The following GRIK1 variants were observed in gnomAD, a reference collection of about 807,000 sequenced individuals.
The protein encoded by GRIK1 is glutamate ionotropic receptor kainate type subunit 1.
Under a neutral mutation model 105.7 loss-of-function variants are expected in GRIK1, and 69 were observed. The observed-to-expected ratio is 0.65, with a 90% CI of 0.54 to 0.80. The LOEUF (loss-of-function observed/expected upper bound fraction) is 0.80, where lower values mean the gene tolerates loss of function less well. Among genes scored for constraint, GRIK1 ranks in the 30% least tolerant of loss-of-function variants. GRIK1 has a pLI of 0.00. For synonymous variants in GRIK1, 438 were observed against 431.3 expected (o/e 1.02, Z -0.19); for missense variants, 1,109 against 1,167.3 (o/e 0.95, Z 0.73).
At chr21:29,695,466 ATCTATC>A (rs2063679960) in intron 1 of GRIK1, among the ~76,000 whole-genome samples, 3 of 146,270 alleles carry the variant, frequency 2.1e-5, no homozygotes, top group Non-Finnish European at 4.5e-5. Flanking sequence ...CTATCTATCT[ATCTATC>A]TATCTATATA....
At chr21:29,756,099 G>C (rs576852508) in intron 1 of GRIK1, among the ~76,000 whole-genome samples, 1 of 152,140 alleles carries the variant, frequency 6.6e-6, no homozygotes, top group African/African-American at 2.4e-5. Context: ...TAAAATAAAC[G>C]GGCCGGGCGC....
At position 29,683,005 on chromosome 21, in the gene GRIK1, G is replaced by A. The variant is rs187709604; in HGVS notation, c.544+6723C>T. On this transcript the variant is annotated intron_variant, in intron 3 of 17. Transcript: ENST00000327783. ...ACAGACACTTCTCAAAAGAAGACAC[G>A]CAAGTGGCCAACGAGCATATGAAAA... is the stretch of plus-strand genomic sequence containing the variant. Among the ~76,000 whole-genome samples, 355 of 152,174 alleles carry A rather than the reference G, an allele frequency of 2.3e-3. 3 individuals carry two copies. Among genetic ancestry groups the A allele is most frequent in the African/African-American group, 8.0e-3 (333 of 41,538 alleles).
intron 1 of GRIK1, among the ~76,000 whole-genome samples, chr21:29,744,419 G>A (rs2065001856): frequency 6.6e-6 from 1 of 152,156 alleles, no homozygotes; most frequent in South Asian, 2.1e-4. Flanking sequence ...TGGTGGAGTT[G>A]ACGCATGCAT....
At chr21:29,817,992 AT>A (rs2067198996) in intron 1 of GRIK1, among the ~76,000 whole-genome samples, 1 of 152,130 alleles carries the variant, frequency 6.6e-6, no homozygotes, top group African/African-American at 2.4e-5. Context: ...CAGAGTAAAA[AT>A]TGTTGAATAA....
intron 1 of GRIK1, among the ~76,000 whole-genome samples, chr21:29,904,524 T>A (rs1185484373): frequency 2.0e-5 from 3 of 152,206 alleles, no homozygotes; most frequent in Admixed American, 1.3e-4. Context: ...ATGGATAGAC[T>A]GATCAGTGCA....
intron 16 of GRIK1, among the ~76,000 whole-genome samples, chr21:29,545,504 A>G (rs774638287): frequency 1.6e-4 from 25 of 152,210 alleles, no homozygotes; most frequent in Non-Finnish European, 3.4e-4. Context: ...ATTGCATTTC[A>G]GAGGCTGAAT....
intron 9 of GRIK1, among the ~76,000 whole-genome samples, chr21:29,592,815 A>G (rs2061351454): frequency 6.6e-6 from 1 of 152,102 alleles, no homozygotes. Context: ...ATCTGGACTC[A>G]TTTTTTTAAA....
At chr21:29,768,426 C>T (rs998140464) in intron 1 of GRIK1, among the ~76,000 whole-genome samples, 18 of 152,078 alleles carry the variant, frequency 1.2e-4, no homozygotes, top group Admixed American at 2.6e-4. Flanking sequence ...GAGAGAAAGA[C>T]GATACAACGA....
intron 14 of GRIK1, 25 bp from the exon 15 acceptor site, chr21:29,561,874 C>G (rs980311844): frequency 1.4e-6 from 2 of 1,400,248 alleles, no homozygotes; most frequent in Non-Finnish European, 2.0e-6. Flanking sequence ...AACACACTCA[C>G]CAGCAGAAGA....
At chr21:29,886,025 A>G (rs2069614369) in intron 1 of GRIK1, among the ~76,000 whole-genome samples, 1 of 151,870 alleles carries the variant, frequency 6.6e-6, no homozygotes. Context: ...TTTATGAAAC[A>G]CTCTTCCTAT....
chr21:29,769,444 G>C (rs897619739), intron 1 of GRIK1, among the ~76,000 whole-genome samples: 4 of 152,084 alleles, frequency 2.6e-5, no homozygotes, highest in Non-Finnish European at 5.9e-5. Context: ...GGAGGTGAGG[G>C]GTGGTGGGAG....
chr21:29,661,606 C>T (rs59019119), intron 4 of GRIK1, among the ~76,000 whole-genome samples: 1,782 of 152,254 alleles, frequency 0.012, 41 homozygotes, highest in African/African-American at 0.041. Context: ...GACCTGCTAA[C>T]AACATGATTT....
At chr21:29,850,272 T>G (rs553208474) in intron 1 of GRIK1, among the ~76,000 whole-genome samples, 6 of 152,322 alleles carry the variant, frequency 3.9e-5, no homozygotes, top group African/African-American at 1.2e-4. Context: ...TTCTTAAATC[T>G]CACAGATATG....
At chr21:29,562,097 C>T (rs1271250154) in intron 14 of GRIK1, among the ~76,000 whole-genome samples, 3 of 152,174 alleles carry the variant, frequency 2.0e-5, no homozygotes, top group African/African-American at 7.2e-5. Context: ...CATTGTGGCC[C>T]ACTGGGCTAA....
chr21:29,734,378 TTTC>T (rs1403818029), intron 1 of GRIK1, among the ~76,000 whole-genome samples: 1 of 59,058 alleles, frequency 1.7e-5, no homozygotes, highest in Non-Finnish European at 4.2e-5. Flanking sequence ...TTTCTTTTCT[TTTC>T]TTTTCTTTTC....
intron 7 of GRIK1, among the ~76,000 whole-genome samples, chr21:29,624,713 T>A (rs777296932): frequency 1.3e-5 from 2 of 152,258 alleles, no homozygotes; most frequent in African/African-American, 4.8e-5. Flanking sequence ...TTTCAAGTTG[T>A]AATTAGCTTG....
chr21:29,673,187 G>A (rs1297247136), intron 3 of GRIK1, 23 bp from the exon 4 acceptor site: 4 of 1,518,218 alleles, frequency 2.6e-6, no homozygotes, highest in Non-Finnish European at 3.7e-6. Context: ...ATGCAATCAT[G>A]CAATGGAGAC....
At chr21:29,726,906 T>TTTTATA (rs2064480551) in intron 1 of GRIK1, among the ~76,000 whole-genome samples, 2 of 151,550 alleles carry the variant, frequency 1.3e-5, no homozygotes, top group Non-Finnish European at 2.9e-5. Context: ...TGGGGTCAAT[T>TTTTATA]TTTATATTTA....
At chr21:29,632,302 T>C (rs1212288124) in intron 7 of GRIK1, among the ~76,000 whole-genome samples, 1 of 152,204 alleles carries the variant, frequency 6.6e-6, no homozygotes, top group Admixed American at 6.5e-5. Context: ...AGGACTTTTC[T>C]TTGCTCCTGA....
Sources: gnomAD v4.1 joint callset for allele counts (sites outside exome capture counted in the v4.1 genomes callset) on GRCh38, gnomAD v4.1.1 for gene constraint, MANE v1.5 for transcripts, NCBI Gene and HGNC (gene_info 2026-07-23, HGNC 2026-07-21) for gene names.